SPATA6L: variants seen among roughly 807,000 people sequenced by gnomAD.
The protein encoded by SPATA6L is spermatogenesis associated 6 like.
SPATA6L carries 68 observed loss-of-function variants against 49.2 expected under a neutral mutation model. The observed-to-expected ratio is 1.38, with a 90% CI of 1.14 to 1.69. The LOEUF (loss-of-function observed/expected upper bound fraction) is 1.69. Among genes scored for constraint, SPATA6L ranks in the 40% most tolerant of loss-of-function variants. The pLI, the probability that SPATA6L is intolerant of heterozygous loss-of-function variation, is 0.00. For missense variants in SPATA6L, 668 were observed against 464.3 expected (o/e 1.44, Z -4.03); for synonymous variants, 198 against 165.7 (o/e 1.19, Z -1.50).
In SPATA6L at chr9:4,618,067, G is replaced by A; in HGVS notation, c.851C>T (p.Ser284Leu). 1.2e-6 allele frequency: 2 copies of A among 1,613,816 alleles called. No individual in the cohort carries two copies. Among genetic ancestry groups the A allele is most frequent in the Non-Finnish European group, 1.7e-6 (2 of 1,179,888 alleles). The stretch of plus-strand genomic sequence containing the variant: ...CTGACTTGAATCTAAACATGATGAT[G>A]AGTCACTCCTTAAAACAATCCGTTC... ...PDERIVLRSDSSSCLDSSQFG... is the reference protein window; with the variant it reads ...PDERIVLRSDLSSCLDSSQFG... Residue 284 changes from serine to leucine, a missense_variant, in exon 9 of 12, where the codon TCA becomes TTA. Coordinates refer to ENST00000682582, the MANE Select transcript of SPATA6L (RefSeq NM_001353486.2).
chr9:4,654,323 G>A (rs543576141), intron 3 of SPATA6L, among the ~76,000 whole-genome samples: 46 of 152,316 alleles, frequency 3.0e-4, no homozygotes, highest in African/African-American at 1.1e-3. Flanking sequence ...GTGCGATGGG[G>A]GTGTGGCTCG....
chr9:4,651,523 G>A (rs540129415), intron 3 of SPATA6L, among the ~76,000 whole-genome samples: 8 of 152,236 alleles, frequency 5.3e-5, no homozygotes, highest in Admixed American at 1.3e-4. Context: ...ACCAAAACCA[G>A]ATGAAGACAT....
rs767480930 is a variant in SPATA6L at position 4,661,904 on chromosome 9, C to T, written c.172G>A (p.Glu58Lys). The change falls in exon 2 of 12, where the codon GAA (glutamate) becomes AAA (lysine). Residue 58 changes from glutamate (E) to lysine (K), a missense_variant. Glu to Lys is a moderately conservative substitution (Grantham distance 56). Transcript: ENST00000682582. Reference sequence around the variant, plus strand: ...AATGAGAAAGTCAAGATCACCTTTTCAAATCTCATGCTCTCCTGAATCATA... The same window carrying T: ...AATGAGAAAGTCAAGATCACCTTTTTAAATCTCATGCTCTCCTGAATCATA... ...PIMIQESMRFEKVFESAVDPG... is the reference protein window; with the variant it reads ...PIMIQESMRFKKVFESAVDPG... 5.6e-6 allele frequency: 9 copies of T among 1,613,412 alleles called. No homozygotes were observed. The highest frequency in any genetic ancestry group is 1.6e-4 in the Middle Eastern group (1 of 6,084).
intron 9 of SPATA6L, among the ~76,000 whole-genome samples, chr9:4,605,933 G>A (rs901269342): frequency 6.6e-6 from 1 of 152,172 alleles, no homozygotes; most frequent in Non-Finnish European, 1.5e-5. Flanking sequence ...CCAGACAGTG[G>A]GCGCAGGCCA....
intron 3 of SPATA6L, among the ~76,000 whole-genome samples, chr9:4,641,711 G>C (rs949825102): frequency 6.6e-6 from 1 of 152,090 alleles, no homozygotes; most frequent in African/African-American, 2.4e-5. Context: ...GTTATTTTAC[G>C]GTTGGCTGAA....
In SPATA6L at chr9:4,662,981, T is replaced by C. The variant is rs942834926; in HGVS notation, c.40-945A>G. 3 of 1,612,540 alleles carry C rather than the reference T, an allele frequency of 1.9e-6. No homozygotes were observed. On this transcript the variant is annotated intron_variant, in intron 1 of 11. Transcript: ENST00000682582. This position sits in a 1 kb window ranked among gnomAD's most constrained non-coding sequence, Gnocchi z 4.9. The stretch of plus-strand genomic sequence containing the variant: ...ACAACCAGATGGACATGTTTGTCAC[T>C]CTCTCGGTGGACAAGTACTCCTTCC...
intron 5 of SPATA6L, chr9:4,627,930 T>C (rs1830660830): frequency 1.5e-6 from 1 of 664,018 alleles, no homozygotes; most frequent in Non-Finnish European, 2.3e-6. Context: ...ATTCAGCCAT[T>C]ATTTTTTATG....
At chr9:4,661,870 AC>A (rs1554615974) in intron 2 of SPATA6L, 28 bp downstream of exon 2, 2 of 1,611,458 alleles carry the variant, frequency 1.2e-6, no homozygotes, top group Non-Finnish European at 1.7e-6. Context: ...TCTTCAGACA[AC>A]AAAAGCCAAT....
At chr9:4,615,038 A>G (rs1251408183) in intron 9 of SPATA6L, among the ~76,000 whole-genome samples, 2 of 151,974 alleles carry the variant, frequency 1.3e-5, no homozygotes, top group Non-Finnish European at 2.9e-5. Context: ...ACTTTCTCCC[A>G]AACTCCTCTA....
intron 11 of SPATA6L, among the ~76,000 whole-genome samples, chr9:4,603,263 C>A (rs1304404553): frequency 6.6e-6 from 1 of 152,142 alleles, no homozygotes; most frequent in Non-Finnish European, 1.5e-5. Context: ...AACCCCATCT[C>A]TACTAAAAAT....
intron 9 of SPATA6L, among the ~76,000 whole-genome samples, chr9:4,613,490 A>G (rs956432813): frequency 1.3e-5 from 2 of 152,100 alleles, no homozygotes; most frequent in Admixed American, 6.5e-5. Context: ...ACACAAATCC[A>G]TTGCCAACCC....
rs965253809 is a variant in SPATA6L at position 4,645,413 on chromosome 9, G to C, written c.227-10014C>G. Among the ~76,000 whole-genome samples the C allele has an allele frequency of 3.3e-5, 5 of 152,198 alleles. No homozygotes were observed. In the South Asian group the frequency reaches 1.0e-3, roughly 32 times the overall value. ...CAGTTATGGAGGCTGAGAAGTCCAT[G>C]GTTGAGGGGCTGTGTCTGGTGAGGG... On this transcript the variant is annotated intron_variant, in intron 3 of 11. Coordinates refer to ENST00000682582, the MANE Select transcript of SPATA6L (RefSeq NM_001353486.2).
chr9:4,623,440 A>G (rs1002036818), intron 6 of SPATA6L, among the ~76,000 whole-genome samples: 1 of 151,856 alleles, frequency 6.6e-6, no homozygotes, highest in African/African-American at 2.4e-5. Flanking sequence ...TAGCTACAAT[A>G]TAGAGTTGCT....
chr9:4,605,271 C>T, intron 10 of SPATA6L, 76 bp downstream of exon 10: 3 of 1,113,936 alleles, frequency 2.7e-6, no homozygotes, highest in South Asian at 1.3e-5. Context: ...TAATGTCTGT[C>T]TCCCCGACTA....
chr9:4,655,340 A>G (rs1837879610), intron 3 of SPATA6L, among the ~76,000 whole-genome samples: 1 of 152,224 alleles, frequency 6.6e-6, no homozygotes, highest in Non-Finnish European at 1.5e-5. Context: ...GAATAAGCAA[A>G]TCTATACAGA....
intron 3 of SPATA6L, among the ~76,000 whole-genome samples, chr9:4,645,452 G>T (rs937023100): frequency 6.6e-6 from 1 of 152,146 alleles, no homozygotes; most frequent in Non-Finnish European, 1.5e-5. Flanking sequence ...TCTTGCTGGT[G>T]GGGACTCTGC....
intron 3 of SPATA6L, among the ~76,000 whole-genome samples, chr9:4,647,814 A>G (rs542520372): frequency 6.7e-6 from 1 of 149,134 alleles, no homozygotes; most frequent in East Asian, 2.0e-4. Flanking sequence ...ACAAAATAAC[A>G]TAACAAGTGA....
chr9:4,663,319 G>A, intron 1 of SPATA6L: 3 of 1,549,586 alleles, frequency 1.9e-6, no homozygotes, highest in Admixed American at 1.8e-5. Context: ...ATTCGATGAT[G>A]TCAACCTAAA....
intron 9 of SPATA6L, among the ~76,000 whole-genome samples, chr9:4,612,693 T>A (rs1292832688): frequency 1.3e-5 from 2 of 152,214 alleles, no homozygotes; most frequent in Non-Finnish European, 2.9e-5. Context: ...GACTCTTTGT[T>A]TAATAGCTCA....
Sources: allele counts gnomAD v4.1 joint callset (sites outside exome capture counted in the v4.1 genomes callset), GRCh38; gene constraint gnomAD v4.1.1; non-coding constraint Gnocchi (gnomAD v3.1); transcripts MANE v1.5; gene names NCBI Gene and HGNC (gene_info 2026-07-23, HGNC 2026-07-21).